Variants in DAPK1 observed in about 807,000 individuals in gnomAD.
DAPK1 encodes death associated protein kinase 1, also known as death-associated protein kinase 1.
Under a neutral mutation model 144.9 loss-of-function variants are expected in DAPK1, and 56 were observed. That is an observed-to-expected ratio of 0.39 (90% confidence interval 0.31 to 0.48). The LOEUF (loss-of-function observed/expected upper bound fraction) is 0.48, where lower values mean the gene tolerates loss of function less well. Among genes scored for constraint, DAPK1 ranks in the 20% least tolerant of loss-of-function variants. The pLI is 0.95. For synonymous variants in DAPK1, 690 were observed against 749.0 expected (o/e 0.92, Z 1.29); for missense variants, 1,454 against 1,875.4 (o/e 0.78, Z 4.15).
Position 87,582,855 on chromosome 9 carries a change from TTCTCCCTAGTTCTAATGGGGTCACTG to T in DAPK1, c.63-22097_63-22072del, listed in dbSNP as rs1827800186. 4.6e-5 allele frequency among the ~76,000 whole-genome samples: 7 copies of T among 152,044 alleles called. No individual in the cohort carries two copies. In the South Asian group the frequency reaches 1.5e-3, roughly 32 times the overall value. On this transcript the variant is annotated intron_variant, in intron 2 of 25. Coordinates refer to ENST00000408954, the MANE Select transcript of DAPK1 (RefSeq NM_004938.4). ...GGCATGAGCCACCGCGCCCAGCCAG[TTCTCCCTAGTTCTAATGGGGTCACTG>T]TACCATAAAAGACCTTGAGATACTG... is the stretch of plus-strand genomic sequence containing the variant.
intron 3 of DAPK1, among the ~76,000 whole-genome samples, chr9:87,619,137 C>T (rs971936473): frequency 2.6e-5 from 4 of 152,146 alleles, no homozygotes; most frequent in Non-Finnish European, 5.9e-5. Flanking sequence ...TCCTACTCAT[C>T]CATCAAAACC....
intron 21 of DAPK1, among the ~76,000 whole-genome samples, chr9:87,695,696 T>G (rs1410482142): frequency 1.3e-5 from 2 of 152,216 alleles, no homozygotes. Flanking sequence ...CTCACACCCC[T>G]GCATGCTTCT....
intron 3 of DAPK1, among the ~76,000 whole-genome samples, chr9:87,623,574 A>G (rs2119053495): frequency 6.6e-6 from 1 of 152,306 alleles, no homozygotes; most frequent in African/African-American, 2.4e-5. Context: ...AGGAACTGGA[A>G]TAAAATTGCC....
intron 2 of DAPK1, among the ~76,000 whole-genome samples, chr9:87,505,246 A>T (rs1006867117): frequency 4.6e-5 from 7 of 152,236 alleles, no homozygotes; most frequent in Admixed American, 3.9e-4. Context: ...ATTTTGTATA[A>T]ATTAAGTGAA....
At chr9:87,553,246 G>T (rs1015808860) in intron 2 of DAPK1, among the ~76,000 whole-genome samples, 8 of 149,262 alleles carry the variant, frequency 5.4e-5, no homozygotes, top group African/African-American at 1.2e-4. Flanking sequence ...TGTCATGTGG[G>T]GGGGGTTGGG....
chr9:87,570,295 C>G (rs909948166), intron 2 of DAPK1, among the ~76,000 whole-genome samples: 2 of 152,176 alleles, frequency 1.3e-5, no homozygotes, highest in Non-Finnish European at 1.5e-5. Flanking sequence ...AGAAACTTCA[C>G]TTCTGACTCC....
At chr9:87,525,984 T>C (rs1224716425) in intron 2 of DAPK1, among the ~76,000 whole-genome samples, 1 of 151,552 alleles carries the variant, frequency 6.6e-6, no homozygotes, top group Admixed American at 6.6e-5. Flanking sequence ...TTTTACTGAT[T>C]TCTACTAGAT....
intron 3 of DAPK1, among the ~76,000 whole-genome samples, chr9:87,625,377 G>T (rs910533228): frequency 6.6e-6 from 1 of 152,228 alleles, no homozygotes; most frequent in Non-Finnish European, 1.5e-5. Flanking sequence ...GAGAGCCTTG[G>T]TTGGTAATGT....
intron 17 of DAPK1, chr9:87,657,463 C>T (rs1192487228): frequency 1.3e-5 from 2 of 158,396 alleles, no homozygotes; most frequent in African/African-American, 2.4e-5. Context: ...GTGGTGCAGT[C>T]TAATGATGAC....
At chr9:87,598,575 G>T (rs1040079584) in intron 2 of DAPK1, among the ~76,000 whole-genome samples, 15 of 152,134 alleles carry the variant, frequency 9.9e-5, no homozygotes, top group Non-Finnish European at 2.1e-4. Flanking sequence ...TAGACCCTGG[G>T]CTTGGCACCA....
At position 87,697,161 on chromosome 9, in the gene DAPK1, G is replaced by A. The variant is rs1466248158; in HGVS notation, c.2568G>A (p.Trp856Ter). The change falls in exon 22 of 26, where the codon TGG (tryptophan) becomes TGA (stop). Residue 856 changes from tryptophan to a stop codon, truncating the protein, a stop_gained. Coordinates refer to ENST00000408954, the MANE Select transcript of DAPK1 (RefSeq NM_004938.4). LOFTEE classifies it high-confidence loss of function. ...TCCAGCTGAACCAAGTGATTTTCTG[G>A]CTCAGTTTCCTGAAGTCCCTTGTCC... is the stretch of plus-strand genomic sequence containing the variant. ...YEIQLNQVIF[W>*]LSFLKSLVPV... 6.3e-7 allele frequency: 1 copy of A among 1,590,640 alleles called. No homozygotes were observed. Among genetic ancestry groups the A allele is most frequent in the Admixed American group, 1.7e-5 (1 of 59,986 alleles).
At chr9:87,530,657 C>T (rs968575982) in intron 2 of DAPK1, among the ~76,000 whole-genome samples, 2 of 152,136 alleles carry the variant, frequency 1.3e-5, no homozygotes, top group Non-Finnish European at 2.9e-5. Context: ...GAGAGACATG[C>T]TATTTAATTT....
chr9:87,533,593 A>G (rs1825762363), intron 2 of DAPK1, among the ~76,000 whole-genome samples: 1 of 152,218 alleles, frequency 6.6e-6, no homozygotes, highest in South Asian at 2.1e-4. Flanking sequence ...ACCTTTTGAC[A>G]GTCAAAGAAA....
At chr9:87,622,536 A>AG (rs142495874) in intron 3 of DAPK1, among the ~76,000 whole-genome samples, 13,377 of 152,216 alleles carry the variant, frequency 0.088, 690 homozygotes, top group African/African-American at 0.14. Flanking sequence ...AGGGGAAGAG[A>AG]GGAAAAAAAA....
At chr9:87,664,175 T>G (rs1830967849) in intron 18 of DAPK1, among the ~76,000 whole-genome samples, 1 of 152,220 alleles carries the variant, frequency 6.6e-6, no homozygotes, top group South Asian at 2.1e-4. Flanking sequence ...ATGTGAACTC[T>G]GCAGCCTCTG....
At chr9:87,502,768 A>G (rs1394832936) in intron 2 of DAPK1, among the ~76,000 whole-genome samples, 1 of 152,084 alleles carries the variant, frequency 6.6e-6, no homozygotes, top group Non-Finnish European at 1.5e-5. Flanking sequence ...TGACATGTTT[A>G]TCCTGTTTCA....
chr9:87,592,235 G>T (rs1485242072), intron 2 of DAPK1, among the ~76,000 whole-genome samples: 1 of 152,182 alleles, frequency 6.6e-6, no homozygotes, highest in Non-Finnish European at 1.5e-5. Context: ...CAGATGATGA[G>T]GAGGAAACCC....
chr9:87,598,698 G>A (rs1828405983), intron 2 of DAPK1, among the ~76,000 whole-genome samples: 1 of 152,186 alleles, frequency 6.6e-6, no homozygotes, highest in Non-Finnish European at 1.5e-5. Flanking sequence ...ATTCTCCCAT[G>A]TGAACAGAGC....
At chr9:87,640,572 C>A in intron 8 of DAPK1, 122 bp downstream of exon 8, 1 of 1,207,094 alleles carries the variant, frequency 8.3e-7, no homozygotes, top group African/African-American at 1.5e-5. Flanking sequence ...CAAAGGGCAG[C>A]ATGCCATGTG....
Sources: gnomAD v4.1 joint callset for allele counts (sites outside exome capture counted in the v4.1 genomes callset) on GRCh38, gnomAD v4.1.1 for gene constraint, MANE v1.5 for transcripts, NCBI Gene and HGNC (gene_info 2026-07-23, HGNC 2026-07-21) for gene names.